NEB: variants seen among roughly 807,000 people sequenced by gnomAD.
NEB encodes the protein nemaline myopathy type 2.
In NEB, 512 loss-of-function variants were observed where a neutral mutation model predicts 952.2. That is an observed-to-expected ratio of 0.54 (90% CI 0.50 to 0.58). The LOEUF (loss-of-function observed/expected upper bound fraction) is 0.58. Among genes scored for constraint, NEB ranks in the 20% least tolerant of loss-of-function variants. NEB has a pLI of 0.00. For synonymous variants in NEB, 2,900 were observed against 3,149.8 expected, an observed-to-expected ratio of 0.92 and a Z score of 2.66; for missense variants, 8,428 against 9,231.1, an observed-to-expected ratio of 0.91 and a Z score of 3.56.
intron 72 of NEB, among the ~76,000 whole-genome samples, chr2:151,620,325 TTATATATA>T (rs1177720939): frequency 3.5e-5 from 4 of 115,280 alleles, no homozygotes; most frequent in Non-Finnish European, 7.2e-5. Context: ...GTAAATTTTA[TTATATATA>T]TATGTATGTG....
chr2:151,509,898 GCGC>G (rs1306388914), intron 161 of NEB, among the ~76,000 whole-genome samples: 1 of 152,166 alleles, frequency 6.6e-6, no homozygotes, highest in Non-Finnish European at 1.5e-5. Flanking sequence ...GCGAGCCACT[GCGC>G]CCGACCAAGA....
intron 177 of NEB, 38 bp from the exon 178 acceptor site, chr2:151,492,319 G>T (rs772460538): frequency 1.2e-6 from 2 of 1,600,148 alleles, no homozygotes; most frequent in East Asian, 4.5e-5. Context: ...AAATATGATG[G>T]TGTGACTATA....
At chr2:151,629,975 C>T (rs1237467388) in intron 67 of NEB, among the ~76,000 whole-genome samples, 1 of 151,514 alleles carries the variant, frequency 6.6e-6, no homozygotes, top group Non-Finnish European at 1.5e-5. Context: ...ATGAGCAAAG[C>T]AGCAATCCAA....
chr2:151,644,376 C>A, intron 56 of NEB, 92 bp downstream of exon 56: 1 of 1,259,160 alleles, frequency 7.9e-7, no homozygotes, highest in Admixed American at 1.9e-5. Flanking sequence ...ATTTGTTACC[C>A]CTTAGATTTT....
rs1448143801 is a variant in NEB, at chr2:151,563,948, A to C, written c.18472-18T>G. 6.4e-7 allele frequency: 1 copy of C among 1,551,664 alleles called. No individual in the cohort carries two copies. Reference sequence around the variant, plus strand: ...TACAGTATCTAGAACAAAGAAATACATGGCAACAAAAGTTTTCTTTCAACT... The same window carrying C: ...TACAGTATCTAGAACAAAGAAATACCTGGCAACAAAAGTTTTCTTTCAACT... On this transcript the variant is annotated intron_variant, in intron 117 of 181. Coordinates refer to ENST00000397345, the MANE Select transcript of NEB (RefSeq NM_001164508.2).
At position 151,499,382 on chromosome 2, in the gene NEB, ATACAACACC is replaced by A. The variant is rs1423137705; in HGVS notation, c.24022-1_24029del. On this transcript the variant is annotated splice_acceptor_variant and coding_sequence_variant, in exon 169 of 182. Coordinates refer to ENST00000397345, the MANE Select transcript of NEB (RefSeq NM_001164508.2). LOFTEE classifies it high-confidence loss of function. ...GAATCCCTTTTCCAACGTTTTCTTT[ATACAACACC>A]TGTATGACACAAGAAAGCATCCAGA... 6.5e-7 allele frequency: 1 copy of A among 1,530,862 alleles called. No individual in the cohort carries two copies. The highest frequency in any genetic ancestry group is 2.5e-5 in the East Asian group (1 of 40,630). The allele number at this position is 1,530,862 out of a possible 1,614,324, so 94.8% of individuals were successfully genotyped here. A position where few individuals can be genotyped will look rare whatever the true frequency, so the allele number is the denominator to read the frequency against.
rs550469336 is a variant in NEB at position 151,555,267 on chromosome 2, T to C, written c.19315-223A>G. Among the ~76,000 whole-genome samples, 64 of 152,272 alleles carry C rather than the reference T, an allele frequency of 4.2e-4. No individual in the cohort carries two copies. In the South Asian group the frequency reaches 0.013, roughly 31 times the overall value. ...TAAATCAGACTGTATCAAAAGTACTTTTAAACCACAGAGCGCTATGAAATT... is the reference window on the plus strand; with the variant it reads ...TAAATCAGACTGTATCAAAAGTACTCTTAAACCACAGAGCGCTATGAAATT... On this transcript the variant is annotated intron_variant, in intron 124 of 181. Transcript: ENST00000397345.
chr2:151,516,386 C>T, intron 157 of NEB, 73 bp downstream of exon 157: 1 of 1,004,882 alleles, frequency 1.0e-6, no homozygotes, highest in East Asian at 2.5e-5. Flanking sequence ...AGGAAACTGG[C>T]CATGTCATGG....
chr2:151,522,933 C>G (rs1006818993), intron 153 of NEB, among the ~76,000 whole-genome samples: 8 of 152,154 alleles, frequency 5.3e-5, no homozygotes, highest in African/African-American at 1.9e-4. Flanking sequence ...GCTGTCAATC[C>G]GGAGACCAGC....
chr2:151,695,416 G>A (rs1024426364), intron 18 of NEB, among the ~76,000 whole-genome samples, 162 bp downstream of exon 18: 26 of 152,124 alleles, frequency 1.7e-4, no homozygotes, highest in Admixed American at 1.7e-3. Flanking sequence ...ATTTTGTAAG[G>A]TGAATTCAGT....
intron 10 of NEB, among the ~76,000 whole-genome samples, chr2:151,712,612 T>C (rs2099748295): frequency 1.3e-5 from 2 of 152,176 alleles, no homozygotes; most frequent in Admixed American, 6.6e-5. Context: ...AAGATTTTCA[T>C]GACACAGGAG....
intron 42 of NEB, 77 bp from the exon 43 acceptor site, chr2:151,664,940 C>T (rs1426668766): frequency 2.9e-6 from 3 of 1,043,362 alleles, no homozygotes; most frequent in Non-Finnish European, 4.2e-6. Flanking sequence ...AAGAGATTTA[C>T]AACTCCATGG....
At chr2:151,540,666 C>G (rs373922594) in intron 137 of NEB, 31 bp downstream of exon 137, 2 of 1,572,066 alleles carry the variant, frequency 1.3e-6, no homozygotes, top group Middle Eastern at 1.7e-4. Flanking sequence ...TTCTTTTTAC[C>G]CAGTGCCTCA....
intron 143 of NEB, 181 bp from the exon 144 acceptor site, chr2:151,532,077 ATAC>A: frequency 1.9e-6 from 1 of 520,772 alleles, no homozygotes; most frequent in Non-Finnish European, 3.4e-6. Flanking sequence ...TGAGCAGATG[ATAC>A]TACTACTAAT....
At chr2:151,649,263 G>A (rs1187472630) in intron 54 of NEB, among the ~76,000 whole-genome samples, 4 of 152,124 alleles carry the variant, frequency 2.6e-5, no homozygotes, top group Non-Finnish European at 5.9e-5. Flanking sequence ...CTGGAAATCA[G>A]CATTATAAAA....
intron 165 of NEB, 21 bp from the exon 166 acceptor site, chr2:151,503,462 AC>A: frequency 6.6e-7 from 1 of 1,519,950 alleles, no homozygotes; most frequent in Non-Finnish European, 9.1e-7. Context: ...TAATTAGAAT[AC>A]CCAGAAAGGT....
In NEB at chr2:151,639,646, C is replaced by T. The variant is rs576518579; in HGVS notation, c.8889+211G>A. On this transcript the variant is annotated intron_variant, in intron 62 of 181. Transcript: ENST00000397345. ...GCAGACTATTTTTTGATAAAATATG[C>T]TACTTTATCAAAATCATGAAACAAT... is the stretch of plus-strand genomic sequence containing the variant. Among the ~76,000 whole-genome samples, 38 of 152,064 alleles carry T rather than the reference C, an allele frequency of 2.5e-4. No homozygotes were observed. The Middle Eastern group carries it at 0.014, about 55-fold the overall frequency.
chr2:151,709,563 T>TCC, intron 12 of NEB, 93 bp downstream of exon 12: 1 of 924,194 alleles, frequency 1.1e-6, no homozygotes, highest in East Asian at 2.7e-5. Flanking sequence ...GAACCACTCC[T>TCC]CCCCTTTTTT....
chr2:151,568,888 C>T (rs1213369801), intron 110 of NEB, among the ~76,000 whole-genome samples, 172 bp from the exon 111 acceptor site: 1 of 152,170 alleles, frequency 6.6e-6, no homozygotes, highest in Non-Finnish European at 1.5e-5. Flanking sequence ...TAAACAAATG[C>T]ATCAGCTTCT....
Sources: gnomAD v4.1 joint callset for allele counts (sites outside exome capture counted in the v4.1 genomes callset) on GRCh38, gnomAD v4.1.1 for gene constraint, MANE v1.5 for transcripts, NCBI Gene and HGNC (gene_info 2026-07-23, HGNC 2026-07-21) for gene names.